Variants in APOBEC3B observed in about 807,000 individuals in gnomAD.
APOBEC3B encodes DNA dC->dU-editing enzyme APOBEC-3B.
A neutral mutation model predicts 53.4 loss-of-function variants in APOBEC3B; 29 were observed. That is an observed-to-expected ratio of 0.54 (90% CI 0.40 to 0.74). The LOEUF (loss-of-function observed/expected upper bound fraction) is 0.74. APOBEC3B is among the 30% of genes least tolerant of loss of function. The pLI is 0.00. For synonymous variants in APOBEC3B, 132 were observed against 184.8 expected (o/e 0.71, Z 2.32); for missense variants, 347 against 496.2 (o/e 0.70, Z 2.86).
At chr22:38,988,062 T>C (rs1200553401) in intron 4 of APOBEC3B, among the ~76,000 whole-genome samples, 1 of 148,662 alleles carries the variant, frequency 6.7e-6, no homozygotes, top group East Asian at 2.3e-4. Context: ...CACCCAGGAC[T>C]CAGGACTGAA....
At chr22:38,988,736 T>TCTTTCTTTCTTTCTTC (rs1923865639) in intron 4 of APOBEC3B, among the ~76,000 whole-genome samples, 1 of 132,154 alleles carries the variant, frequency 7.6e-6, no homozygotes, top group African/African-American at 3.2e-5. Context: ...TTTCTTTCTT[T>TCTTTCTTTCTTTCTTC]CTTTCTTTCT....
chr22:38,989,812 A>G (rs993415682), intron 5 of APOBEC3B, among the ~76,000 whole-genome samples: 1 of 148,280 alleles, frequency 6.7e-6, no homozygotes, highest in African/African-American at 2.5e-5. Flanking sequence ...GAGTCTGCCC[A>G]ATGGCAAAGT....
At chr22:38,987,761 C>A (rs2059099546) in intron 4 of APOBEC3B, among the ~76,000 whole-genome samples, 1 of 148,414 alleles carries the variant, frequency 6.7e-6, no homozygotes, top group Non-Finnish European at 1.5e-5. Context: ...TAGAATGACA[C>A]CTGCAACATG....
At chr22:38,982,741 C>G (rs1431805995) in intron 1 of APOBEC3B, among the ~76,000 whole-genome samples, 1 of 147,980 alleles carries the variant, frequency 6.8e-6, no homozygotes, top group African/African-American at 2.5e-5. Context: ...TGGTGCTCCC[C>G]GCCCTGGGAG....
At chr22:38,988,796 G>T (rs1213767991) in intron 4 of APOBEC3B, among the ~76,000 whole-genome samples, 1 of 140,942 alleles carries the variant, frequency 7.1e-6, no homozygotes, top group Non-Finnish European at 1.5e-5. Flanking sequence ...TCCAAACAGA[G>T]ATTTTTCTAA....
rs139823580 is a variant in APOBEC3B, at chr22:38,984,146, G to A, written c.89G>A (p.Arg30Gln). 4.5e-5 allele frequency: 71 copies of A among 1,591,872 alleles called. 6 individuals are homozygous for A. Among genetic ancestry groups the A allele is most frequent in the African/African-American group, 4.2e-4 (31 of 74,316 alleles). ...NFENEPILYG[R>Q]SYTWLCYEVK... ...GAAAACGAACCCATCCTCTATGGTC[G>A]GAGCTACACTTGGCTGTGCTATGAA... The change falls in exon 2 of 8, where the codon CGG becomes CAG. Residue 30 changes from arginine (R) to glutamine (Q), a missense_variant. By Grantham distance (43) the Arg-to-Gln change is conservative. Coordinates refer to ENST00000333467, the MANE Select transcript of APOBEC3B (RefSeq NM_004900.5).
intron 4 of APOBEC3B, among the ~76,000 whole-genome samples, chr22:38,987,631 G>T (rs1421601522): frequency 1.3e-5 from 2 of 148,412 alleles, no homozygotes; most frequent in African/African-American, 4.9e-5. Context: ...GTGTGGGGGA[G>T]GAAATGGTCT....
In APOBEC3B at chr22:38,988,683, C is replaced by CCCTTTCTTTCTTTCTTTCTT. The variant is rs1923841037; in HGVS notation, c.570-774_570-773insCCTTTCTTTCTTTCTTTCTT. 4.2e-5 allele frequency among the ~76,000 whole-genome samples: 2 copies of CCCTTTCTTTCTTTCTTTCTT among 47,512 alleles called. 1 individual carries two copies. Among genetic ancestry groups the CCCTTTCTTTCTTTCTTTCTT allele is most frequent in the East Asian group, 3.2e-3 (2 of 620 alleles). 31.2% of individuals were successfully genotyped at this position (47,512 alleles called of 152,430 possible). A position where few individuals can be genotyped will look rare whatever the true frequency, so the allele number is the denominator to read the frequency against. On this transcript the variant is annotated intron_variant, in intron 4 of 7. Transcript: ENST00000333467. Reference sequence around the variant, plus strand: ...TTGCTTCCTCTCTCTTTCTCTCTTTCTCTTTCTTTCTTTCTTTCTTTCTTT... The same window carrying CCCTTTCTTTCTTTCTTTCTT: ...TTGCTTCCTCTCTCTTTCTCTCTTTCCCTTTCTTTCTTTCTTTCTTTCTTTCTTTCTTTCTTTCTTTCTTT...
In APOBEC3B at chr22:38,992,724, C is replaced by T; in HGVS notation, c.*279C>T. 3.7e-6 allele frequency: 3 copies of T among 812,224 alleles called. No individual in the cohort carries two copies. The highest frequency in any genetic ancestry group is 5.7e-6 in the Non-Finnish European group (3 of 529,614). 50.3% of individuals were successfully genotyped at this position (812,224 alleles called of 1,614,324 possible). The stretch of plus-strand genomic sequence containing the variant: ...TATTAATGAAGTGATTAATTGGCTC[C>T]ATATTTAGACTAATAAAACATTAAG... On this transcript the variant is annotated 3_prime_UTR_variant, in exon 8 of 8. Transcript: ENST00000333467.
At chr22:38,987,058 T>C (rs1170492294) in intron 4 of APOBEC3B, among the ~76,000 whole-genome samples, 2 of 147,742 alleles carry the variant, frequency 1.4e-5, no homozygotes, top group South Asian at 2.2e-4. Flanking sequence ...GCCTGGGAGG[T>C]CACTCACAGC....
At chr22:38,988,465 A>G (rs1333464347) in intron 4 of APOBEC3B, among the ~76,000 whole-genome samples, 2 of 148,676 alleles carry the variant, frequency 1.3e-5, no homozygotes, top group African/African-American at 4.9e-5. Flanking sequence ...GTTCAGTGTC[A>G]TCTCGTTCTC....
chr22:38,984,293 C>T lies in APOBEC3B; in HGVS notation c.174+62C>T, dbSNP rs1156891432. ...TGCAGGAATTAGAGGACTGGAGAGA[C>T]TGATATGGGTGAGACAGGAGGATTT... On this transcript the variant is annotated intron_variant, in intron 2 of 7. Coordinates refer to ENST00000333467, the MANE Select transcript of APOBEC3B (RefSeq NM_004900.5). 10 of 1,536,752 alleles carry T rather than the reference C, an allele frequency of 6.5e-6. 2 individuals carry two copies. The highest frequency in any genetic ancestry group is 2.4e-5 in the South Asian group (2 of 82,500).
In APOBEC3B at chr22:38,989,588, A is replaced by G; in HGVS notation, c.701A>G (p.His234Arg). Residue 234 changes from histidine to arginine, a missense_variant, in exon 5 of 8, where the codon CAC (histidine) becomes CGC (arginine). By Grantham distance (29) the His-to-Arg change is conservative. Around this residue, in one of 5 missense-constraint regions of APOBEC3B, gnomAD observed 156 missense variants for 166.7 expected, o/e 0.94. Coordinates refer to ENST00000333467, the MANE Select transcript of APOBEC3B (RefSeq NM_004900.5). ...GGCACCTGGGTCCTGATGGACCAGC[A>G]CATGGGCTTTCTATGCAACGAGGTG... ...DNGTWVLMDQHMGFLCNEAKN... is the reference protein window; with the variant it reads ...DNGTWVLMDQRMGFLCNEAKN... The G allele has an allele frequency of 6.3e-7, 1 of 1,579,592 alleles. No homozygotes were observed. Among genetic ancestry groups the G allele is most frequent in the Non-Finnish European group, 8.6e-7 (1 of 1,163,252 alleles).
At chr22:38,982,526 C>A in intron 1 of APOBEC3B, 56 bp downstream of exon 1, 1 of 1,582,568 alleles carries the variant, frequency 6.3e-7, no homozygotes, top group African/African-American at 1.3e-5. Context: ...GCCTGGTGGT[C>A]CTGCTGGGCC....
At chr22:38,983,274 T>G (rs1213287934) in intron 1 of APOBEC3B, among the ~76,000 whole-genome samples, 1 of 146,682 alleles carries the variant, frequency 6.8e-6, no homozygotes. Context: ...GCTGAGATCA[T>G]GCCACTGCAC....
chr22:38,990,812 C>A (rs1295100841), intron 5 of APOBEC3B, among the ~76,000 whole-genome samples: 2 of 145,386 alleles, frequency 1.4e-5, no homozygotes, highest in Admixed American at 7.1e-5. Context: ...GGCCAATGAC[C>A]TTGGGGCTCC....
chr22:38,988,635 C>T (rs6001356), intron 4 of APOBEC3B, among the ~76,000 whole-genome samples: 1,041 of 75,414 alleles, frequency 0.014, 80 homozygotes, highest in Middle Eastern at 0.05. Flanking sequence ...CTTCCTTCCT[C>T]CCTTCCTTCC....
Position 38,988,729 on chromosome 22 carries a change from C to CTCTA in APOBEC3B, c.570-727_570-726insCTAT, listed in dbSNP as rs1603268401. ...TCTTTCTTTCTTTCTTTCTTTCTTT[C>CTCTA]TTTCTTTCTTTCTTTCTTCCTTTCT... is the stretch of plus-strand genomic sequence containing the variant. On this transcript the variant is annotated intron_variant, in intron 4 of 7. Coordinates refer to ENST00000333467, the MANE Select transcript of APOBEC3B (RefSeq NM_004900.5). Among the ~76,000 whole-genome samples, 3 of 134,288 alleles carry CTCTA rather than the reference C, an allele frequency of 2.2e-5. No individual in the cohort carries two copies. In the East Asian group the frequency reaches 8.5e-4, roughly 38 times the overall value. The allele number at this position is 134,288 out of a possible 152,430, so 88.1% of individuals were successfully genotyped here. A position where few individuals can be genotyped will look rare whatever the true frequency, so the allele number is the denominator to read the frequency against.
At chr22:38,988,129 C>G (rs572626225) in intron 4 of APOBEC3B, among the ~76,000 whole-genome samples, 1 of 148,498 alleles carries the variant, frequency 6.7e-6, no homozygotes, top group African/African-American at 2.5e-5. Context: ...CCTCTTCGAG[C>G]TTTTCTGATG....
Sources: allele counts gnomAD v4.1 joint callset (sites outside exome capture counted in the v4.1 genomes callset), GRCh38; gene constraint gnomAD v4.1.1; regional missense constraint gnomAD v4.1.1; transcripts MANE v1.5; gene names NCBI Gene and HGNC (gene_info 2026-07-23, HGNC 2026-07-21).